Variants in ADAM32 observed in about 807,000 individuals in gnomAD.
ADAM32 encodes disintegrin and metalloproteinase domain-containing protein 32.
Under a neutral mutation model 114.9 loss-of-function variants are expected in ADAM32, and 89 were observed. That is an observed-to-expected ratio of 0.77 (90% CI 0.65 to 0.92). The LOEUF is 0.92. Ranked by LOEUF, ADAM32 falls within the 40% of genes least tolerant of loss-of-function variation. The pLI, the probability that ADAM32 is intolerant of heterozygous loss-of-function variation, is 0.00. For missense variants in ADAM32, 870 were observed against 932.8 expected (o/e 0.93, Z 0.88); for synonymous variants, 285 against 307.5 (o/e 0.93, Z 0.77).
intron 11 of ADAM32, among the ~76,000 whole-genome samples, chr8:39,199,470 C>A (rs1424441271): frequency 1.3e-5 from 2 of 152,102 alleles, no homozygotes; most frequent in African/African-American, 4.8e-5. Flanking sequence ...TCTGATTAAT[C>A]TGGTCTACTA....
chr8:39,257,155 TTG>T, intron 18 of ADAM32, 30 bp from the exon 19 acceptor site: 3 of 1,504,464 alleles, frequency 2.0e-6, no homozygotes, highest in African/African-American at 1.5e-5. Flanking sequence ...TTTAATTTTT[TTG>T]TTTTTTTTTT....
At chr8:39,236,649 G>A (rs2129449574) in intron 16 of ADAM32, among the ~76,000 whole-genome samples, 1 of 152,120 alleles carries the variant, frequency 6.6e-6, no homozygotes, top group South Asian at 2.1e-4. Context: ...TAATTGATGA[G>A]CTTATATTGA....
intron 2 of ADAM32, among the ~76,000 whole-genome samples, chr8:39,128,445 A>G (rs1802245208): frequency 6.6e-6 from 1 of 152,158 alleles, no homozygotes; most frequent in Non-Finnish European, 1.5e-5. Context: ...AAGACAGCAT[A>G]CTGATGGGTC....
At chr8:39,200,972 C>A (rs1208142065) in intron 11 of ADAM32, among the ~76,000 whole-genome samples, 2 of 152,140 alleles carry the variant, frequency 1.3e-5, no homozygotes, top group Admixed American at 1.3e-4. Context: ...TGTTCTGTTC[C>A]ATTGGTCTAT....
intron 11 of ADAM32, among the ~76,000 whole-genome samples, chr8:39,206,779 G>C (rs892450987): frequency 6.6e-6 from 1 of 152,146 alleles, no homozygotes; most frequent in African/African-American, 2.4e-5. Flanking sequence ...GGATGTGGGG[G>C]TATGTCAATG....
chr8:39,265,410 T>C (rs1322065538), intron 19 of ADAM32, among the ~76,000 whole-genome samples: 2 of 152,222 alleles, frequency 1.3e-5, no homozygotes, highest in African/African-American at 4.8e-5. Flanking sequence ...AGATGGTCTT[T>C]TGAAGACAGC....
chr8:39,256,809 T>C (rs1430418828), intron 18 of ADAM32, among the ~76,000 whole-genome samples: 1 of 152,044 alleles, frequency 6.6e-6, no homozygotes, highest in African/African-American at 2.4e-5. Flanking sequence ...AAAAATAAGA[T>C]ATACACAAAT....
chr8:39,242,873 G>A (rs1403355055), intron 16 of ADAM32, among the ~76,000 whole-genome samples: 2 of 152,042 alleles, frequency 1.3e-5, no homozygotes, highest in Non-Finnish European at 2.9e-5. Context: ...TAAACAAAAC[G>A]GATAGACCAT....
intron 3 of ADAM32, among the ~76,000 whole-genome samples, chr8:39,140,510 A>G (rs972305395): frequency 5.9e-5 from 9 of 152,168 alleles, no homozygotes; most frequent in Non-Finnish European, 1.3e-4. Context: ...AGCTGAGTTG[A>G]TCGTGGTGAA....
intron 22 of ADAM32, among the ~76,000 whole-genome samples, chr8:39,276,558 C>G (rs926059323): frequency 6.6e-6 from 1 of 152,132 alleles, no homozygotes; most frequent in African/African-American, 2.4e-5. Flanking sequence ...CTAGGTTGCT[C>G]CAAGCCCACT....
chr8:39,265,772 G>T (rs1812312607), intron 19 of ADAM32, among the ~76,000 whole-genome samples: 1 of 152,118 alleles, frequency 6.6e-6, no homozygotes. Context: ...GGCTACGCAT[G>T]TAAGTATGAT....
intron 12 of ADAM32, among the ~76,000 whole-genome samples, chr8:39,217,682 C>T (rs1031663015): frequency 1.3e-5 from 2 of 152,158 alleles, no homozygotes; most frequent in African/African-American, 4.8e-5. Context: ...TCAATTGTGT[C>T]TTTCAACTGC....
chr8:39,141,084 C>A (rs1803123085), intron 3 of ADAM32, among the ~76,000 whole-genome samples: 1 of 151,842 alleles, frequency 6.6e-6, no homozygotes, highest in Non-Finnish European at 1.5e-5. Flanking sequence ...TCTCTCTTTT[C>A]TTCTTTATTA....
At chr8:39,142,671 A>G (rs1451672588) in intron 3 of ADAM32, among the ~76,000 whole-genome samples, 1 of 151,954 alleles carries the variant, frequency 6.6e-6, no homozygotes, top group African/African-American at 2.4e-5. Flanking sequence ...GAATCTGACA[A>G]TTATGTGTCT....
At chr8:39,153,444 G>A (rs1289647244) in intron 6 of ADAM32, among the ~76,000 whole-genome samples, 1 of 152,198 alleles carries the variant, frequency 6.6e-6, no homozygotes, top group Non-Finnish European at 1.5e-5. Context: ...CTTTGAACAT[G>A]TGCCACTTGT....
intron 10 of ADAM32, among the ~76,000 whole-genome samples, chr8:39,170,408 G>A (rs1805116584): frequency 6.6e-6 from 1 of 152,002 alleles, no homozygotes; most frequent in South Asian, 2.1e-4. Context: ...AACTCTGAAA[G>A]ACAGTAAAAT....
intron 6 of ADAM32, among the ~76,000 whole-genome samples, chr8:39,152,720 C>CAAAAAAAAAA (rs112877602): frequency 4.6e-4 from 63 of 136,876 alleles, no homozygotes; most frequent in African/African-American, 1.9e-3. Context: ...GACTCCATCT[C>CAAAAAAAAAA]AAAAAAAAAA....
intron 11 of ADAM32, among the ~76,000 whole-genome samples, chr8:39,201,388 A>G (rs1807392867): frequency 6.6e-6 from 1 of 151,896 alleles, no homozygotes; most frequent in Non-Finnish European, 1.5e-5. Context: ...TCTTTGAAGC[A>G]ATTGTGAATG....
At position 39,257,203 on chromosome 8, in the gene ADAM32, A is replaced by T; in HGVS notation, c.2022A>T (p.Arg674Ser). 6.3e-7 allele frequency: 1 copy of T among 1,589,766 alleles called. No individual in the cohort carries two copies. The highest frequency in any genetic ancestry group is 8.6e-7 in the Non-Finnish European group (1 of 1,167,610). The change falls in exon 19 of 25, where the codon AGA (arginine) becomes AGT (serine). Residue 674 changes from arginine (R) to serine (S), a missense_variant. Arg to Ser is a moderately radical substitution (Grantham distance 110). Transcript: ENST00000379907. ...PEEDMGSIME[R>S]ASGKTENTWL... is the part of the protein sequence containing the mutation. ...TGTTTTTAGGTTCAATCATGGAAAG[A>T]GCATCTGGGAAGACTGAAAACACCT...
Sources: gnomAD v4.1 joint callset for allele counts (sites outside exome capture counted in the v4.1 genomes callset) on GRCh38, gnomAD v4.1.1 for gene constraint, MANE v1.5 for transcripts, NCBI Gene and HGNC (gene_info 2026-07-23, HGNC 2026-07-21) for gene names.